ROBO1: variants seen among roughly 807,000 people sequenced by gnomAD.
ROBO1 encodes roundabout homolog 1.
In ROBO1, 149 loss-of-function variants were observed where a neutral mutation model predicts 195.9. That is an observed-to-expected ratio of 0.76 (90% CI 0.67 to 0.87). The LOEUF (loss-of-function observed/expected upper bound fraction) is 0.87, where lower values mean the gene tolerates loss of function less well. Among genes scored for constraint, ROBO1 ranks in the 40% least tolerant of loss-of-function variants. The pLI is 0.00. For missense variants in ROBO1, 1,933 were observed against 2,068.3 expected, an observed-to-expected ratio of 0.93 and a Z score of 1.27; for synonymous variants, 816 against 733.2, an observed-to-expected ratio of 1.11 and a Z score of -1.82.
chr3:79,758,409 G>A (rs1435189109), intron 1 of ROBO1, among the ~76,000 whole-genome samples: 1 of 152,164 alleles, frequency 6.6e-6, no homozygotes, highest in Admixed American at 6.5e-5. Flanking sequence ...GACAGTACAA[G>A]TTTAGATAAA....
chr3:78,939,635 G>GAA (rs71928868), intron 3 of ROBO1, among the ~76,000 whole-genome samples: 3 of 146,074 alleles, frequency 2.1e-5, no homozygotes, highest in African/African-American at 7.5e-5. Flanking sequence ...AAAGAAAAAA[G>GAA]AAAAAAAAAT....
chr3:78,978,254 G>T (rs111597551), intron 3 of ROBO1, among the ~76,000 whole-genome samples: 43 of 152,000 alleles, frequency 2.8e-4, no homozygotes, highest in African/African-American at 9.9e-4. Context: ...CCAAGGTAGT[G>T]GGGGGATGGA....
At chr3:79,445,666 T>G (rs1408656679) in intron 2 of ROBO1, among the ~76,000 whole-genome samples, 1 of 150,080 alleles carries the variant, frequency 6.7e-6, no homozygotes, top group African/African-American at 2.4e-5. Context: ...CTGGCAATTT[T>G]TTTTTTTTTT....
chr3:79,266,622 T>C (rs2029981513), intron 2 of ROBO1, among the ~76,000 whole-genome samples: 1 of 151,600 alleles, frequency 6.6e-6, no homozygotes, highest in African/African-American at 2.4e-5. Context: ...TGGGTCCTAA[T>C]AGAAATATTA....
At chr3:79,232,804 T>C (rs1293044502) in intron 2 of ROBO1, among the ~76,000 whole-genome samples, 2 of 152,156 alleles carry the variant, frequency 1.3e-5, no homozygotes, top group Non-Finnish European at 2.9e-5. Context: ...TCTGAAAAGT[T>C]CACTTCTCAT....
At chr3:78,646,493 T>TATTAAATA (rs1467832254) in intron 20 of ROBO1, among the ~76,000 whole-genome samples, 1 of 151,284 alleles carries the variant, frequency 6.6e-6, no homozygotes, top group African/African-American at 2.4e-5. Context: ...TCAGTACACT[T>TATTAAATA]ATTAAATATA....
At chr3:78,692,840 C>G (rs2107869393) in intron 8 of ROBO1, 1 of 152,226 alleles carries the variant, frequency 6.6e-6, no homozygotes, top group African/African-American at 2.4e-5. Flanking sequence ...ATGAATCTGA[C>G]ACACAGAAAT....
rs368399503 is a variant in ROBO1 at position 79,662,738 on chromosome 3, T to G, written c.-50-72777A>C. Reference sequence around the variant, plus strand: ...CCACCATCATCATTTGCTCAACTTGTAAGGTTGCCATGGAACAATGGCAGC... The same window carrying G: ...CCACCATCATCATTTGCTCAACTTGGAAGGTTGCCATGGAACAATGGCAGC... On this transcript the variant is annotated intron_variant, in intron 1 of 30. Coordinates refer to ENST00000464233, the MANE Select transcript of ROBO1 (RefSeq NM_002941.4). 1.2e-4 allele frequency among the ~76,000 whole-genome samples: 19 copies of G among 152,182 alleles called. 1 individual carries two copies. Among genetic ancestry groups the G allele is most frequent in the African/African-American group, 4.6e-4 (19 of 41,550 alleles).
intron 10 of ROBO1, among the ~76,000 whole-genome samples, chr3:78,675,531 G>A (rs537756507): frequency 5.9e-5 from 9 of 152,160 alleles, no homozygotes; most frequent in Non-Finnish European, 8.8e-5. Flanking sequence ...CACTTGGCTC[G>A]GAGGGTCCTA....
At chr3:79,039,419 G>C (rs1165655276) in intron 3 of ROBO1, among the ~76,000 whole-genome samples, 1 of 152,136 alleles carries the variant, frequency 6.6e-6, no homozygotes, top group Non-Finnish European at 1.5e-5. Context: ...CAGGAGATTA[G>C]GGAGTATTGT....
chr3:78,872,985 C>A (rs977196703), intron 4 of ROBO1, among the ~76,000 whole-genome samples: 2 of 152,078 alleles, frequency 1.3e-5, no homozygotes, highest in African/African-American at 2.4e-5. Context: ...AATAGTACAT[C>A]ATTTACAGTT....
At chr3:79,145,274 GAT>G (rs1208417415) in intron 2 of ROBO1, among the ~76,000 whole-genome samples, 4 of 151,222 alleles carry the variant, frequency 2.6e-5, no homozygotes, top group African/African-American at 9.7e-5. Flanking sequence ...TTCAAAAATA[GAT>G]AAAAATCATT....
chr3:78,625,590 C>T (rs775242615), intron 26 of ROBO1, among the ~76,000 whole-genome samples: 43 of 152,172 alleles, frequency 2.8e-4, no homozygotes, highest in South Asian at 4.2e-4. Flanking sequence ...AACAAAGCAA[C>T]GGGATGATGG....
rs2081299877 is a variant in ROBO1, at chr3:79,179,036, C to T, written c.89-53497G>A. Among the ~76,000 whole-genome samples, 7 of 152,090 alleles carry T rather than the reference C, an allele frequency of 4.6e-5. No individual in the cohort carries two copies. In the South Asian group the frequency reaches 1.4e-3, roughly 32 times the overall value. Reference sequence around the variant, plus strand: ...AAGCCTTGGATTGAAGAAGAAAATTCCATTTATCTCAGCCTGACTCAGTGG... The same window carrying T: ...AAGCCTTGGATTGAAGAAGAAAATTTCATTTATCTCAGCCTGACTCAGTGG... On this transcript the variant is annotated intron_variant, in intron 2 of 30. Coordinates refer to ENST00000464233, the MANE Select transcript of ROBO1 (RefSeq NM_002941.4).
intron 3 of ROBO1, among the ~76,000 whole-genome samples, chr3:78,985,645 C>T (rs970946488): frequency 6.6e-6 from 1 of 152,150 alleles, no homozygotes; most frequent in African/African-American, 2.4e-5. Flanking sequence ...TAGCGGCATC[C>T]TTGGCCTCTA....
At chr3:79,520,416 G>A in intron 2 of ROBO1, among the ~76,000 whole-genome samples, 1 of 152,104 alleles carries the variant, frequency 6.6e-6, no homozygotes, top group Non-Finnish European at 1.5e-5. Context: ...CAAATTTTCT[G>A]GCCTCAGTAG....
chr3:78,888,968 T>C (rs567463588), intron 4 of ROBO1, among the ~76,000 whole-genome samples: 1 of 152,284 alleles, frequency 6.6e-6, no homozygotes, highest in Non-Finnish European at 1.5e-5. Context: ...ATGGGTCCTC[T>C]AAAAAGTACA....
intron 2 of ROBO1, among the ~76,000 whole-genome samples, chr3:79,530,690 C>T (rs763897158): frequency 9.2e-5 from 14 of 151,700 alleles, no homozygotes; most frequent in Non-Finnish European, 1.9e-4. Context: ...TCTACTCTAC[C>T]CCACTAAGAG....
intron 1 of ROBO1, among the ~76,000 whole-genome samples, chr3:79,641,564 TAAAAA>T (rs901142408): frequency 7.9e-5 from 12 of 151,106 alleles, no homozygotes; most frequent in Admixed American, 4.0e-4. Context: ...AAATAATAAA[TAAAAA>T]AAATAAAATA....
Sources: gnomAD v4.1 joint callset for allele counts (sites outside exome capture counted in the v4.1 genomes callset) on GRCh38, gnomAD v4.1.1 for gene constraint, MANE v1.5 for transcripts, NCBI Gene and HGNC (gene_info 2026-07-23, HGNC 2026-07-21) for gene names.